MYH14: variants seen among roughly 807,000 people sequenced by gnomAD.
MYH14 encodes the protein myosin-14.
MYH14 carries 123 observed loss-of-function variants against 255.5 expected under a neutral mutation model. The observed-to-expected ratio is 0.48, with a 90% CI of 0.42 to 0.56. The LOEUF is 0.56. MYH14 is among the 20% of genes least tolerant of loss of function. The pLI is 0.00. For missense variants in MYH14, 2,423 were observed against 2,802.3 expected (o/e 0.86, Z 3.06); for synonymous variants, 1,095 against 1,161.2 (o/e 0.94, Z 1.16).
intron 3 of MYH14, among the ~76,000 whole-genome samples, chr19:50,219,292 T>A (rs2032681172): frequency 6.6e-6 from 1 of 151,760 alleles, no homozygotes; most frequent in South Asian, 2.1e-4. Context: ...TTCCTCTGGG[T>A]GGATACCCCA....
Position 50,259,282 on chromosome 19 carries a change from GCCCAGGCCCGGCGGAGGGGCTGGGTGGGA to G in MYH14, c.2354+21_2354+49del. ...CCGGCAGCGGTGAGCTAGAGCGAGG[GCCCAGGCCCGGCGGAGGGGCTGGGTGGGA>G]CCCGGGTCTGGAAGCCGACACACCT... is the stretch of plus-strand genomic sequence containing the variant. On this transcript the variant is annotated intron_variant, in intron 19 of 42. Transcript: ENST00000642316. 1.9e-6 allele frequency: 3 copies of G among 1,558,576 alleles called. No homozygotes were observed. The highest frequency in any genetic ancestry group is 2.6e-6 in the Non-Finnish European group (3 of 1,151,202).
intron 19 of MYH14, among the ~76,000 whole-genome samples, 189 bp from the exon 20 acceptor site, chr19:50,260,457 C>T (rs910577421): frequency 7.9e-5 from 12 of 152,040 alleles, no homozygotes. Context: ...CTGAAACAGT[C>T]GATCATTGTC....
intron 25 of MYH14, 24 bp downstream of exon 25, chr19:50,271,570 G>C (rs1445217362): frequency 1.3e-6 from 2 of 1,597,198 alleles, no homozygotes; most frequent in African/African-American, 2.7e-5. Context: ...GGGCAGCTGG[G>C]AAAGTGGGGA....
rs991190302 is a variant in MYH14, at chr19:50,280,338, T to A, written c.4245T>A (p.Ala1415=). The A allele has an allele frequency of 6.5e-7, 1 of 1,549,112 alleles. No individual in the cohort carries two copies. The highest frequency in any genetic ancestry group is 8.7e-7 in the Non-Finnish European group (1 of 1,146,192). Residue 1415 remains alanine, a synonymous_variant, in exon 32 of 43, where the codon GCT becomes GCA. Coordinates refer to ENST00000642316, the MANE Select transcript of MYH14 (RefSeq NM_001145809.2). The surrounding 1 kb of genome is among the most constrained non-coding windows in gnomAD (Gnocchi z 4.8). The part of the protein sequence containing the change: ...GLREQLEEEA[A]ARERAGRELQ... ...GTGAGCAGCTGGAGGAGGAGGCAGC[T>A]GCCAGGGAACGGGCGGGCCGTGAAC... is the stretch of plus-strand genomic sequence containing the variant.
At chr19:50,271,677 C>A in intron 25 of MYH14, 131 bp downstream of exon 25, 1 of 1,455,512 alleles carries the variant, frequency 6.9e-7, no homozygotes, top group Non-Finnish European at 9.3e-7. Flanking sequence ...TGGGATGGGT[C>A]TATAGCCCCA....
intron 33 of MYH14, chr19:50,286,078 G>C (rs188293943): frequency 6.2e-6 from 1 of 160,256 alleles, no homozygotes; most frequent in Non-Finnish European, 1.4e-5. Context: ...TATTTGTATG[G>C]ACTGATTTTT....
At chr19:50,271,758 G>C in intron 25 of MYH14, 91 bp from the exon 26 acceptor site, 1 of 1,566,368 alleles carries the variant, frequency 6.4e-7, no homozygotes, top group Non-Finnish European at 8.7e-7. Context: ...CAGAAACATA[G>C]ATGAGAACAA....
chr19:50,278,848 C>T (rs1407809412), intron 30 of MYH14, among the ~76,000 whole-genome samples: 3 of 149,252 alleles, frequency 2.0e-5, no homozygotes, highest in Admixed American at 6.7e-5. Context: ...ATTAGCCGGG[C>T]GTGATGGCGC....
intron 39 of MYH14, among the ~76,000 whole-genome samples, chr19:50,299,118 G>A (rs2036386635): frequency 6.6e-6 from 1 of 151,990 alleles, no homozygotes; most frequent in Admixed American, 6.6e-5. Context: ...AAGAAAGAAA[G>A]AAAGAAAGAA....
Position 50,266,012 on chromosome 19 carries a change from A to C in MYH14, c.2695-865A>C, listed in dbSNP as rs1235167139. Among the ~76,000 whole-genome samples, 1 of 152,148 alleles carries C rather than the reference A, an allele frequency of 6.6e-6. No individual in the cohort carries two copies. Among genetic ancestry groups the C allele is most frequent in the African/African-American group, 2.4e-5 (1 of 41,436 alleles). Reference sequence around the variant, plus strand: ...TGTGAATGATACCTGCGAAAGATGCAAGGAGTCGGGGCAGAAAAGGAGAGA... The same window carrying C: ...TGTGAATGATACCTGCGAAAGATGCCAGGAGTCGGGGCAGAAAAGGAGAGA... On this transcript the variant is annotated intron_variant, in intron 22 of 42. Transcript: ENST00000642316. The surrounding 1 kb of genome is among the most constrained non-coding windows in gnomAD (Gnocchi z 4.1).
intron 2 of MYH14, among the ~76,000 whole-genome samples, chr19:50,217,293 C>T (rs758508609): frequency 3.9e-5 from 6 of 152,190 alleles, no homozygotes; most frequent in African/African-American, 7.2e-5. Context: ...GTGCCTCAAC[C>T]GGTCACCTCG....
chr19:50,289,089 T>C (rs528470154), intron 34 of MYH14, among the ~76,000 whole-genome samples: 62 of 152,080 alleles, frequency 4.1e-4, no homozygotes, highest in African/African-American at 1.4e-3. Context: ...AAAGATGAAT[T>C]CCCAGTGAGT....
Position 50,257,339 on chromosome 19 carries a change from C to T in MYH14, c.2085C>T (p.Gly695=), listed in dbSNP as rs971709716. The change falls in exon 18 of 43, where the codon GGC becomes GGT. Residue 695 remains glycine (G), a synonymous_variant. Coordinates refer to ENST00000642316, the MANE Select transcript of MYH14 (RefSeq NM_001145809.2). ...IVGLEQVSSL[G]DGPPGGRPRR... is the part of the protein sequence containing the mutation. Reference sequence around the variant, plus strand: ...GGCTGGAACAGGTGAGCAGCCTGGGCGACGGCCCACCAGGTGGCCGCCCCC... The same window carrying T: ...GGCTGGAACAGGTGAGCAGCCTGGGTGACGGCCCACCAGGTGGCCGCCCCC... 1.2e-5 allele frequency: 20 copies of T among 1,608,906 alleles called. No homozygotes were observed. Among genetic ancestry groups the T allele is most frequent in the East Asian group, 4.5e-5 (2 of 44,758 alleles).
At chr19:50,232,110 C>G in intron 10 of MYH14, 40 bp downstream of exon 10, 3 of 1,603,412 alleles carry the variant, frequency 1.9e-6, no homozygotes, top group Non-Finnish European at 2.5e-6. Context: ...GGGGGGAACC[C>G]CACGGAGAGC....
In MYH14 at chr19:50,266,885, A is replaced by G; in HGVS notation, c.2703A>G (p.Pro901=). 2 of 1,551,844 alleles carry G rather than the reference A, an allele frequency of 1.3e-6. No individual in the cohort carries two copies. Among genetic ancestry groups the G allele is most frequent in the Non-Finnish European group, 8.7e-7 (1 of 1,147,074 alleles). The change falls in exon 23 of 43, where the codon CCA becomes CCG. Residue 901 remains proline (P), a synonymous_variant. Transcript: ENST00000642316. The surrounding 1 kb of genome is among the most constrained non-coding windows in gnomAD (Gnocchi z 4.1). The stretch of plus-strand genomic sequence containing the variant: ...CTTTCACCTCCACCTAGGTGAAGCC[A>G]CTGCTGCAGGTGACGCGGCAGGATG... ...QWWRLFTKVK[P]LLQVTRQDEV... is the part of the protein sequence containing the mutation.
At chr19:50,207,965 A>C (rs1031458111) in intron 1 of MYH14, among the ~76,000 whole-genome samples, 5 of 151,436 alleles carry the variant, frequency 3.3e-5, no homozygotes, top group Non-Finnish European at 4.4e-5. Context: ...TCTCCCAACA[A>C]CCCCCTTCCT....
In MYH14 at chr19:50,210,393, G is replaced by C. The variant is rs771312040; in HGVS notation, c.28G>C (p.Gly10Arg). MAAVTMSVP[G>R]RKAPPRPGPV... The stretch of plus-strand genomic sequence containing the variant: ...GGCAGCCGTGACCATGTCGGTGCCC[G>C]GGCGGAAGGCGCCCCCCAGGCCGGG... Residue 10 changes from glycine to arginine, a missense_variant, in exon 2 of 43, where the codon GGG (glycine) becomes CGG (arginine). By Grantham distance (125) the Gly-to-Arg change is moderately radical. Transcript: ENST00000642316. 6 of 1,583,308 alleles carry C rather than the reference G, an allele frequency of 3.8e-6. No homozygotes were observed. Among genetic ancestry groups the C allele is most frequent in the Non-Finnish European group, 5.1e-6 (6 of 1,166,532 alleles).
At chr19:50,246,818 G>C (rs2034147294) in intron 11 of MYH14, among the ~76,000 whole-genome samples, 186 bp from the exon 12 acceptor site, 1 of 152,066 alleles carries the variant, frequency 6.6e-6, no homozygotes, top group Non-Finnish European at 1.5e-5. Context: ...TGCCAGTGCT[G>C]GTTCCTGGAA....
Position 50,268,227 on chromosome 19 carries a change from G to A in MYH14, c.2893G>A (p.Glu965Lys), listed in dbSNP as rs773353115. The A allele has an allele frequency of 3.2e-6, 5 of 1,562,450 alleles. No individual in the cohort carries two copies. Among genetic ancestry groups the A allele is most frequent in the Admixed American group, 3.8e-5 (2 of 52,340 alleles). ...RAEAELCAEA[E>K]ETRGRLAARK... is the part of the protein sequence containing the mutation. The stretch of plus-strand genomic sequence containing the variant: ...AGAGGCAGAACTGTGTGCAGAGGCC[G>A]AGGAGACGCGGGGGAGGCTGGCAGC... The change falls in exon 24 of 43, where the codon GAG becomes AAG. Residue 965 changes from glutamate to lysine, a missense_variant. Transcript: ENST00000642316.
Sources: gnomAD v4.1 joint callset for allele counts (sites outside exome capture counted in the v4.1 genomes callset) on GRCh38, gnomAD v4.1.1 for gene constraint, Gnocchi (gnomAD v3.1) non-coding constraint, MANE v1.5 for transcripts, NCBI Gene and HGNC (gene_info 2026-07-23, HGNC 2026-07-21) for gene names.